Variants in BCAS3 observed in about 807,000 individuals in gnomAD.
BCAS3 encodes BCAS4/BCAS3 fusion.
BCAS3 carries 53 observed loss-of-function variants against 116.1 expected under a neutral mutation model. That is an observed-to-expected ratio of 0.46 (90% CI 0.37 to 0.57). The LOEUF (loss-of-function observed/expected upper bound fraction) is 0.57, where lower values mean the gene tolerates loss of function less well. Among genes scored for constraint, BCAS3 ranks in the 20% least tolerant of loss-of-function variants. BCAS3 has a pLI of 0.00. For missense variants in BCAS3, 917 were observed against 1,165.4 expected (o/e 0.79, Z 3.10); for synonymous variants, 391 against 408.2 (o/e 0.96, Z 0.51).
intron 23 of BCAS3, among the ~76,000 whole-genome samples, chr17:61,386,408 A>T (rs2059852662): frequency 6.6e-6 from 1 of 152,200 alleles, no homozygotes; most frequent in Non-Finnish European, 1.5e-5. Flanking sequence ...ACTGGACCCT[A>T]AGGTCTCATC....
chr17:60,910,770 C>A, intron 12 of BCAS3, 68 bp downstream of exon 12: 2 of 1,373,602 alleles, frequency 1.5e-6, no homozygotes, highest in Non-Finnish European at 9.8e-7. Context: ...CAAGATTAGT[C>A]AAAATGTATT....
rs540336077 is a variant in BCAS3, at chr17:61,349,994, T to A, written c.2426-18333T>A. On this transcript the variant is annotated intron_variant, in intron 22 of 23. Coordinates refer to ENST00000407086, the MANE Select transcript of BCAS3 (RefSeq NM_017679.5). This position sits in a 1 kb window ranked among gnomAD's most constrained non-coding sequence, Gnocchi z 4.7. ...ACAATTGGCTTTGGGACATTGTCTT[T>A]CTAGGAAAAATAGAAACATAAATTA... is the stretch of plus-strand genomic sequence containing the variant. Among the ~76,000 whole-genome samples the A allele has an allele frequency of 6.6e-6, 1 of 152,316 alleles. No homozygotes were observed. Among genetic ancestry groups the A allele is most frequent in the South Asian group, 2.1e-4 (1 of 4,830 alleles).
At chr17:60,930,307 T>C (rs932747989) in intron 13 of BCAS3, among the ~76,000 whole-genome samples, 5 of 152,238 alleles carry the variant, frequency 3.3e-5, no homozygotes, top group African/African-American at 1.2e-4. Context: ...TACTTTTTAC[T>C]AGTTTAGGGA....
At chr17:61,038,171 A>G (rs2067191607) in intron 18 of BCAS3, 117 bp downstream of exon 18, 1 of 859,086 alleles carries the variant, frequency 1.2e-6, no homozygotes, top group African/African-American at 1.7e-5. Flanking sequence ...ACCACAATTA[A>G]CATGGTAAAC....
intron 22 of BCAS3, among the ~76,000 whole-genome samples, chr17:61,246,019 T>C (rs1161898843): frequency 1.3e-5 from 2 of 152,086 alleles, no homozygotes; most frequent in East Asian, 1.9e-4. Context: ...TCCACAGTGA[T>C]TGGGAGGGCT....
intron 5 of BCAS3, among the ~76,000 whole-genome samples, chr17:60,731,507 G>A (rs944188356): frequency 3.3e-5 from 5 of 152,040 alleles, no homozygotes; most frequent in Non-Finnish European, 7.4e-5. Context: ...TGGCCTTAAT[G>A]TGTATATTTA....
intron 19 of BCAS3, among the ~76,000 whole-genome samples, chr17:61,054,656 G>A (rs2069195910): frequency 6.6e-6 from 1 of 152,166 alleles, no homozygotes; most frequent in Non-Finnish European, 1.5e-5. Flanking sequence ...CTACAGGCAT[G>A]AGCCACCACA....
rs1203207496 is a variant in BCAS3 at position 61,104,571 on chromosome 17, T to C, written c.2425+20007T>C. Among the ~76,000 whole-genome samples, 8 of 152,266 alleles carry C rather than the reference T, an allele frequency of 5.3e-5. No homozygotes were observed. Among genetic ancestry groups the C allele is most frequent in the African/African-American group, 1.9e-4 (8 of 41,562 alleles). ...ATCTCATACTTCATCATTTATTGGA[T>C]CAAATAGCAGTCTCATTTACTTAGG... On this transcript the variant is annotated intron_variant, in intron 22 of 23. Coordinates refer to ENST00000407086, the MANE Select transcript of BCAS3 (RefSeq NM_017679.5). This position sits in a 1 kb window ranked among gnomAD's most constrained non-coding sequence, Gnocchi z 4.1.
At chr17:61,334,005 A>G (rs140898797) in intron 22 of BCAS3, among the ~76,000 whole-genome samples, 63 of 152,302 alleles carry the variant, frequency 4.1e-4, no homozygotes, top group African/African-American at 1.3e-3. Context: ...TCATTCAGAT[A>G]TTAATTCAAC....
At chr17:60,796,942 G>T (rs1383986318) in intron 6 of BCAS3, among the ~76,000 whole-genome samples, 1 of 152,144 alleles carries the variant, frequency 6.6e-6, no homozygotes, top group Non-Finnish European at 1.5e-5. Context: ...GTCGCGCTCT[G>T]TTTCCCATGC....
At chr17:60,758,712 G>T (rs2043224464) in intron 6 of BCAS3, among the ~76,000 whole-genome samples, 1 of 152,034 alleles carries the variant, frequency 6.6e-6, no homozygotes, top group African/African-American at 2.4e-5. Context: ...TGTGTCATTA[G>T]GTTGCTTATT....
At position 61,034,859 on chromosome 17, in the gene BCAS3, G is replaced by A. The variant is rs2066896697; in HGVS notation, c.1762+69G>A. 1.4e-6 allele frequency: 2 copies of A among 1,466,136 alleles called. No individual in the cohort carries two copies. Among genetic ancestry groups the A allele is most frequent in the Non-Finnish European group, 9.3e-7 (1 of 1,079,672 alleles). The allele number at this position is 1,466,136 out of a possible 1,614,324, so 90.8% of individuals were successfully genotyped here. On this transcript the variant is annotated intron_variant, in intron 17 of 23. Transcript: ENST00000407086. The surrounding 1 kb of genome is among the most constrained non-coding windows in gnomAD (Gnocchi z 5.0). ...TGCTTCTTAAGGAAAATTTTTAGCA[G>A]TTTCCCTAGAATAATCTTGTACCCA... is the stretch of plus-strand genomic sequence containing the variant.
At chr17:60,838,466 C>T (rs989794194) in intron 7 of BCAS3, among the ~76,000 whole-genome samples, 3 of 150,898 alleles carry the variant, frequency 2.0e-5, no homozygotes, top group African/African-American at 7.3e-5. Context: ...CTCATATTTC[C>T]CCACAACAAC....
chr17:61,308,162 T>C (rs568540139), intron 22 of BCAS3, among the ~76,000 whole-genome samples: 1 of 138,564 alleles, frequency 7.2e-6, no homozygotes, highest in East Asian at 1.9e-4. Context: ...TGGCCAAGTG[T>C]GTGGGGACTC....
intron 6 of BCAS3, among the ~76,000 whole-genome samples, chr17:60,757,699 A>C (rs1316512370): frequency 6.6e-6 from 1 of 152,130 alleles, no homozygotes; most frequent in Non-Finnish European, 1.5e-5. Flanking sequence ...ATTTTCTTTC[A>C]TTAAGCAAGT....
At chr17:60,889,067 T>C (rs996249510) in intron 9 of BCAS3, among the ~76,000 whole-genome samples, 1 of 152,132 alleles carries the variant, frequency 6.6e-6, no homozygotes, top group Non-Finnish European at 1.5e-5. Flanking sequence ...AGATAGAAAA[T>C]AAACAGTAAA....
intron 5 of BCAS3, among the ~76,000 whole-genome samples, chr17:60,714,908 T>C (rs955657660): frequency 2.6e-5 from 4 of 152,128 alleles, no homozygotes; most frequent in African/African-American, 7.2e-5. Context: ...ACACACCAGA[T>C]GTAACATAGA....
At position 60,810,964 on chromosome 17, in the gene BCAS3, C is replaced by G. The variant is rs539314295; in HGVS notation, c.476+2888C>G. 2.6e-4 allele frequency: 178 copies of G among 677,324 alleles called. 1 individual carries two copies. The highest frequency in any genetic ancestry group is 1.4e-3 in the Admixed American group (75 of 54,354). The allele number at this position is 677,324 out of a possible 1,614,324, so 42.0% of individuals were successfully genotyped here. ...ACTGGCTCAGAAGAACCAAGAGGAG[C>G]TGGACAAGTACTAGTCTCAGCAGAT... On this transcript the variant is annotated intron_variant, in intron 7 of 23. Transcript: ENST00000407086.
chr17:60,812,034 CAG>C (rs1173875883), intron 7 of BCAS3, among the ~76,000 whole-genome samples: 1 of 148,988 alleles, frequency 6.7e-6, no homozygotes, highest in Non-Finnish European at 1.5e-5. Flanking sequence ...GCCTGGGTGA[CAG>C]AGTGAGACCC....
Sources: gnomAD v4.1 joint callset for allele counts (sites outside exome capture counted in the v4.1 genomes callset) on GRCh38, gnomAD v4.1.1 for gene constraint, Gnocchi (gnomAD v3.1) non-coding constraint, MANE v1.5 for transcripts, NCBI Gene and HGNC (gene_info 2026-07-23, HGNC 2026-07-21) for gene names.